Variants in MEI4 observed in about 807,000 individuals in gnomAD.
MEI4 encodes meiosis-specific protein MEI4.
MEI4 carries 27 observed loss-of-function variants against 31.4 expected under a neutral mutation model. The observed-to-expected ratio is 0.86, with a 90% CI of 0.63 to 1.19. The LOEUF is 1.19. Ranked by LOEUF, MEI4 falls within the 50% of genes most tolerant of loss-of-function variation. MEI4 has a pLI of 0.00. For missense variants in MEI4, 329 were observed against 398.9 expected, an observed-to-expected ratio of 0.82 and a Z score of 1.49; for synonymous variants, 122 against 145.4, an observed-to-expected ratio of 0.84 and a Z score of 1.16.
chr6:77,658,231 AG>A (rs1263132995), intron 1 of MEI4, among the ~76,000 whole-genome samples: 1 of 152,126 alleles, frequency 6.6e-6, no homozygotes, highest in African/African-American at 2.4e-5. Context: ...TACATTCTCA[AG>A]GGTGGGGAGA....
At chr6:77,775,626 A>G (rs918055377) in intron 3 of MEI4, among the ~76,000 whole-genome samples, 3 of 152,042 alleles carry the variant, frequency 2.0e-5, no homozygotes, top group African/African-American at 7.3e-5. Flanking sequence ...TTGCAATTGC[A>G]AGTTGTGCTT....
chr6:77,673,057 G>T (rs1281556675), intron 1 of MEI4, among the ~76,000 whole-genome samples: 1 of 152,190 alleles, frequency 6.6e-6, no homozygotes, highest in African/African-American at 2.4e-5. Flanking sequence ...TTTGGGCACA[G>T]AATTGACTAA....
At chr6:77,802,795 T>C (rs1218165873) in intron 3 of MEI4, among the ~76,000 whole-genome samples, 1 of 152,260 alleles carries the variant, frequency 6.6e-6, no homozygotes, top group Non-Finnish European at 1.5e-5. Flanking sequence ...TGTTGAATAT[T>C]GGCTCACACT....
chr6:77,850,556 A>G (rs1021681350), intron 4 of MEI4, among the ~76,000 whole-genome samples: 4 of 152,216 alleles, frequency 2.6e-5, no homozygotes, highest in African/African-American at 7.2e-5. Context: ...TATTTAACAA[A>G]TGGTGCTGGG....
intron 3 of MEI4, among the ~76,000 whole-genome samples, chr6:77,810,614 A>G (rs1769553983): frequency 6.6e-6 from 1 of 152,204 alleles, no homozygotes; most frequent in African/African-American, 2.4e-5. Context: ...TTTTTATAAC[A>G]TGAAAAGTAA....
chr6:77,791,912 C>T (rs1479041688), intron 3 of MEI4, among the ~76,000 whole-genome samples: 1 of 152,182 alleles, frequency 6.6e-6, no homozygotes, highest in Non-Finnish European at 1.5e-5. Context: ...ACCAACATCT[C>T]TGATCATCCT....
intron 4 of MEI4, among the ~76,000 whole-genome samples, chr6:77,861,052 A>G (rs1413356145): frequency 6.6e-6 from 1 of 152,100 alleles, no homozygotes; most frequent in East Asian, 1.9e-4. Context: ...CTGAGGTAGA[A>G]TTTCTCCCAA....
intron 2 of MEI4, among the ~76,000 whole-genome samples, chr6:77,692,464 A>C (rs1394280510): frequency 1.3e-5 from 2 of 152,082 alleles, no homozygotes; most frequent in Non-Finnish European, 1.5e-5. Flanking sequence ...TGAAAGAGGA[A>C]CATAGAGGAT....
intron 2 of MEI4, among the ~76,000 whole-genome samples, chr6:77,750,632 G>A (rs559060507): frequency 2.6e-5 from 4 of 152,074 alleles, no homozygotes; most frequent in African/African-American, 9.7e-5. Flanking sequence ...AGTTCTTAGC[G>A]ACCTACAAAG....
chr6:77,749,085 A>G (rs1767695440), intron 2 of MEI4, among the ~76,000 whole-genome samples: 1 of 152,182 alleles, frequency 6.6e-6, no homozygotes, highest in Admixed American at 6.5e-5. Flanking sequence ...ATCAAATAAA[A>G]AGATGCCCAC....
At chr6:77,869,618 G>A (rs1232291682) in intron 4 of MEI4, among the ~76,000 whole-genome samples, 1 of 152,118 alleles carries the variant, frequency 6.6e-6, no homozygotes, top group Non-Finnish European at 1.5e-5. Context: ...CTAGAACTGT[G>A]AGAAAATAAG....
rs1768448808 is a variant in MEI4, at chr6:77,776,592, A to G, written c.768+14927A>G. 2.0e-5 allele frequency among the ~76,000 whole-genome samples: 3 copies of G among 152,270 alleles called. No individual in the cohort carries two copies. The South Asian group carries it at 6.2e-4, about 32-fold the overall frequency. ...AAGGATGTAAAACTGGAACTCTTAC[A>G]GTTATCTTGCTGCCATCTGAAAGGA... On this transcript the variant is annotated intron_variant, in intron 3 of 4. Coordinates refer to ENST00000684080, the MANE Select transcript of MEI4 (RefSeq NM_001322247.2).
intron 2 of MEI4, chr6:77,716,910 G>A: frequency 2.1e-6 from 2 of 953,598 alleles, no homozygotes; most frequent in Non-Finnish European, 2.5e-6. Context: ...GAGGTCACTT[G>A]CTTACTCACA....
intron 2 of MEI4, among the ~76,000 whole-genome samples, chr6:77,709,892 T>C (rs1351874349): frequency 6.6e-6 from 1 of 152,200 alleles, no homozygotes; most frequent in Admixed American, 6.5e-5. Flanking sequence ...TTTTATTCTG[T>C]GAACCACAAT....
intron 3 of MEI4, among the ~76,000 whole-genome samples, chr6:77,791,117 A>G (rs1408731900): frequency 6.6e-6 from 1 of 152,140 alleles, no homozygotes; most frequent in Non-Finnish European, 1.5e-5. Context: ...TGTGGAAGTC[A>G]GTGTGGCGAT....
intron 4 of MEI4, among the ~76,000 whole-genome samples, chr6:77,898,113 C>T (rs1766120515): frequency 6.6e-6 from 1 of 152,000 alleles, no homozygotes; most frequent in Non-Finnish European, 1.5e-5. Context: ...GTCAGATGCT[C>T]TACTGCATTG....
chr6:77,729,767 A>C (rs1474473438), intron 2 of MEI4, among the ~76,000 whole-genome samples: 1 of 152,238 alleles, frequency 6.6e-6, no homozygotes, highest in Admixed American at 6.5e-5. Context: ...CTTAGGAAAC[A>C]CTGAATGTCT....
chr6:77,882,601 G>A (rs1207152063), intron 4 of MEI4, among the ~76,000 whole-genome samples: 6 of 152,080 alleles, frequency 3.9e-5, no homozygotes, highest in African/African-American at 7.2e-5. Flanking sequence ...TCTGATGTGC[G>A]TTGAGAGGAT....
chr6:77,812,328 C>A (rs1408128864), intron 3 of MEI4, among the ~76,000 whole-genome samples: 1 of 151,154 alleles, frequency 6.6e-6, no homozygotes, highest in African/African-American at 2.4e-5. Context: ...GAAAAGCAAG[C>A]AAGAAAAAAA....
Sources: gnomAD v4.1 joint callset for allele counts (sites outside exome capture counted in the v4.1 genomes callset) on GRCh38, gnomAD v4.1.1 for gene constraint, MANE v1.5 for transcripts, NCBI Gene and HGNC (gene_info 2026-07-23, HGNC 2026-07-21) for gene names.